EFCAB6: variants seen among roughly 807,000 people sequenced by gnomAD.
EFCAB6 encodes EF-hand calcium-binding domain-containing protein 6.
In EFCAB6, 156 loss-of-function variants were observed where a neutral mutation model predicts 169.8. The observed-to-expected ratio is 0.92, with a 90% confidence interval of 0.81 to 1.05. The LOEUF (loss-of-function observed/expected upper bound fraction) is 1.05. EFCAB6 is among the 50% of genes least tolerant of loss of function. EFCAB6 has a pLI of 0.00. For missense variants in EFCAB6, 1,800 were observed against 1,829.1 expected (o/e 0.98, Z 0.29); for synonymous variants, 698 against 676.4 (o/e 1.03, Z -0.50).
chr22:43,703,068 C>T (rs1051495642), intron 10 of EFCAB6, among the ~76,000 whole-genome samples: 1 of 152,164 alleles, frequency 6.6e-6, no homozygotes, highest in African/African-American at 2.4e-5. Context: ...TCCCTACCAG[C>T]AATTCCATCT....
intron 27 of EFCAB6, among the ~76,000 whole-genome samples, chr22:43,548,195 A>G (rs1442918145): frequency 1.3e-5 from 2 of 152,208 alleles, no homozygotes; most frequent in African/African-American, 2.4e-5. Flanking sequence ...TAATGTATGT[A>G]AATGGGTCAA....
At position 43,657,092 on chromosome 22, in the gene EFCAB6, C is replaced by A. The variant is rs1017232574; in HGVS notation, c.1983+10012G>T. Among the ~76,000 whole-genome samples the A allele has an allele frequency of 2.2e-4, 34 of 151,842 alleles. 1 individual carries two copies. The highest frequency in any genetic ancestry group is 2.2e-3 in the Admixed American group (34 of 15,204). Reference sequence around the variant, plus strand: ...ATCCTTTGAGCCCAGGAGTTCAAGACCAGCCTGTGCAACTTGGGGAAACCC... The same window carrying A: ...ATCCTTTGAGCCCAGGAGTTCAAGAACAGCCTGTGCAACTTGGGGAAACCC... On this transcript the variant is annotated intron_variant, in intron 17 of 31. Coordinates refer to ENST00000262726, the MANE Select transcript of EFCAB6 (RefSeq NM_022785.4).
chr22:43,805,901 A>G (rs2062899344), intron 2 of EFCAB6, among the ~76,000 whole-genome samples: 1 of 152,330 alleles, frequency 6.6e-6, no homozygotes, highest in African/African-American at 2.4e-5. Context: ...GCAGTGGCTC[A>G]TGCCTGTAAT....
At chr22:43,614,893 C>A (rs946710333) in intron 21 of EFCAB6, among the ~76,000 whole-genome samples, 1 of 150,718 alleles carries the variant, frequency 6.6e-6, no homozygotes, top group African/African-American at 2.5e-5. Flanking sequence ...ACAGTCCACT[C>A]TATGGAGTCC....
chr22:43,713,537 T>C (rs1463909824), intron 9 of EFCAB6, among the ~76,000 whole-genome samples: 1 of 151,648 alleles, frequency 6.6e-6, no homozygotes, highest in Non-Finnish European at 1.5e-5. Flanking sequence ...CTGGTGGGAG[T>C]GTAAATCAAT....
At chr22:43,626,247 A>G (rs1357943602) in intron 20 of EFCAB6, among the ~76,000 whole-genome samples, 200 bp downstream of exon 20, 2 of 152,224 alleles carry the variant, frequency 1.3e-5, no homozygotes, top group South Asian at 2.1e-4. Flanking sequence ...TGATGCTCAC[A>G]GGTGGTAAGA....
At chr22:43,747,725 C>T (rs1242683366) in intron 6 of EFCAB6, among the ~76,000 whole-genome samples, 1 of 152,120 alleles carries the variant, frequency 6.6e-6, no homozygotes, top group Non-Finnish European at 1.5e-5. Flanking sequence ...CTTAATGAGC[C>T]CCTGCTATGT....
At chr22:43,674,646 G>T (rs1359024031) in intron 13 of EFCAB6, among the ~76,000 whole-genome samples, 1 of 152,194 alleles carries the variant, frequency 6.6e-6, no homozygotes, top group Non-Finnish European at 1.5e-5. Flanking sequence ...CACACCACTT[G>T]CCACGTAGAG....
intron 17 of EFCAB6, among the ~76,000 whole-genome samples, chr22:43,656,234 T>C (rs1351858725): frequency 1.3e-5 from 2 of 151,960 alleles, no homozygotes; most frequent in Non-Finnish European, 2.9e-5. Flanking sequence ...CTACTAAAAC[T>C]ACAAAATTAG....
At position 43,755,064 on chromosome 22, in the gene EFCAB6, A is replaced by T. The variant is rs116898068; in HGVS notation, c.507+702T>A. ...TGTGGATCTCTGGCTATTTTTGAGT[A>T]TGAAATATATGAGTCTCAGAAGAGT... On this transcript the variant is annotated intron_variant, in intron 6 of 31. Coordinates refer to ENST00000262726, the MANE Select transcript of EFCAB6 (RefSeq NM_022785.4). 5.8e-4 allele frequency among the ~76,000 whole-genome samples: 89 copies of T among 152,350 alleles called. 1 individual carries two copies. The East Asian group carries it at 9.8e-3, about 17-fold the overall frequency.
chr22:43,675,333 A>AAT (rs2057685456), intron 13 of EFCAB6, among the ~76,000 whole-genome samples: 1 of 48,676 alleles, frequency 2.1e-5, no homozygotes, highest in African/African-American at 6.3e-5. Context: ...TATAATATAT[A>AAT]ATATAATATA....
chr22:43,619,374 A>T (rs747135084), intron 20 of EFCAB6, among the ~76,000 whole-genome samples: 13 of 152,234 alleles, frequency 8.5e-5, no homozygotes, highest in Non-Finnish European at 1.3e-4. Context: ...GATTTTAACA[A>T]AATCAGAGTG....
intron 6 of EFCAB6, among the ~76,000 whole-genome samples, chr22:43,745,618 G>C (rs969680899): frequency 2.0e-5 from 3 of 152,124 alleles, no homozygotes; most frequent in East Asian, 1.9e-4. Flanking sequence ...CAACACCCAC[G>C]GCTGTCAGTC....
intron 19 of EFCAB6, among the ~76,000 whole-genome samples, chr22:43,630,990 C>CA (rs560212626): frequency 3.3e-5 from 5 of 152,146 alleles, no homozygotes; most frequent in Admixed American, 3.3e-4. Context: ...GGACTGATGT[C>CA]ATAAATACAC....
intron 24 of EFCAB6, among the ~76,000 whole-genome samples, chr22:43,589,326 TACAGG>T (rs2051306042): frequency 2.2e-5 from 1 of 45,140 alleles, no homozygotes. Context: ...AAAAAAGAAG[TACAGG>T]TACATTCACT....
intron 29 of EFCAB6, 186 bp from the exon 30 acceptor site, chr22:43,535,058 G>C: frequency 1.6e-6 from 1 of 617,598 alleles, no homozygotes; most frequent in Non-Finnish European, 2.8e-6. Context: ...AAGTGCCGCA[G>C]GGAGGGGGAC....
At position 43,554,855 on chromosome 22, in the gene EFCAB6, C is replaced by T. The variant is rs1239847308; in HGVS notation, c.3648+14G>A. The T allele has an allele frequency of 3.7e-6, 6 of 1,613,102 alleles. No individual in the cohort carries two copies. The highest frequency in any genetic ancestry group is 1.1e-5 in the South Asian group (1 of 91,066). The stretch of plus-strand genomic sequence containing the variant: ...CAACGGTGTGCAGGGTGAGGACTGA[C>T]TGGCGTTTCTTACCTGTTCGTCCGT... On this transcript the variant is annotated intron_variant, in intron 27 of 31. Transcript: ENST00000262726.
chr22:43,692,411 T>C (rs1034675098), intron 10 of EFCAB6, among the ~76,000 whole-genome samples: 2 of 152,122 alleles, frequency 1.3e-5, no homozygotes, highest in African/African-American at 4.8e-5. Flanking sequence ...GAAAATCAAC[T>C]GAGATAACCC....
intron 17 of EFCAB6, among the ~76,000 whole-genome samples, chr22:43,636,366 C>T (rs2055396738): frequency 6.6e-6 from 1 of 152,164 alleles, no homozygotes; most frequent in Non-Finnish European, 1.5e-5. Flanking sequence ...GGCCGTGCTG[C>T]AGTGTCGCCC....
Sources: allele counts gnomAD v4.1 joint callset (sites outside exome capture counted in the v4.1 genomes callset), GRCh38; gene constraint gnomAD v4.1.1; transcripts MANE v1.5; gene names NCBI Gene and HGNC (gene_info 2026-07-23, HGNC 2026-07-21).